IGF2BP1: variants seen among roughly 807,000 people sequenced by gnomAD.
IGF2BP1 encodes the protein insulin-like growth factor 2 mRNA-binding protein 1.
IGF2BP1 carries 11 observed loss-of-function variants against 74.9 expected under a neutral mutation model. The observed-to-expected ratio is 0.15, with a 90% CI of 0.09 to 0.24. IGF2BP1 has a LOEUF of 0.24. Among genes scored for constraint, IGF2BP1 ranks in the 10% least tolerant of loss-of-function variants. The pLI, the probability that IGF2BP1 is intolerant of heterozygous loss-of-function variation, is 1.00. For missense variants in IGF2BP1, 440 were observed against 757.4 expected (o/e 0.58, Z 4.92); for synonymous variants, 287 against 281.8 (o/e 1.02, Z -0.18).
At position 49,055,831 on chromosome 17, in the gene IGF2BP1, G is replaced by C. The variant is rs1021647591; in HGVS notation, c.*6387G>C. Among the ~76,000 whole-genome samples the C allele has an allele frequency of 5.1e-5, 7 of 138,362 alleles. No homozygotes were observed. The South Asian group carries it at 1.4e-3, about 27-fold the overall frequency. 90.8% of individuals were successfully genotyped at this position (138,362 alleles called of 152,430 possible). A position where few individuals can be genotyped will look rare whatever the true frequency, so the allele number is the denominator to read the frequency against. On this transcript the variant is annotated 3_prime_UTR_variant, in exon 15 of 15. Coordinates refer to ENST00000290341, the MANE Select transcript of IGF2BP1 (RefSeq NM_006546.4). ...GGAAGAGCTGGAGGCCTACTGCTTG[G>C]GACAGTTTTTTTTTTTTTTTTTTTT...
At chr17:49,025,313 AGTGTGTGTGTGT>A (rs369153046) in intron 2 of IGF2BP1, among the ~76,000 whole-genome samples, 79 of 133,644 alleles carry the variant, frequency 5.9e-4, no homozygotes, top group Middle Eastern at 3.9e-3. Context: ...GGACAAACAA[AGTGTGTGTGTGT>A]GTGTGTGTGT....
In IGF2BP1 at chr17:49,003,311, C is replaced by T. The variant is rs35025211; in HGVS notation, c.236+4142C>T. 3.2e-3 allele frequency among the ~76,000 whole-genome samples: 490 copies of T among 152,198 alleles called. 1 individual carries two copies. Among genetic ancestry groups the T allele is most frequent in the African/African-American group, 0.011 (460 of 41,520 alleles). On this transcript the variant is annotated intron_variant, in intron 2 of 14. Coordinates refer to ENST00000290341, the MANE Select transcript of IGF2BP1 (RefSeq NM_006546.4). ...CTTACTTTTTAAGAGTGTATTTATACTATACTTTAATGTGTAGCAGCCAGT... is the reference window on the plus strand; with the variant it reads ...CTTACTTTTTAAGAGTGTATTTATATTATACTTTAATGTGTAGCAGCCAGT...
intron 8 of IGF2BP1, among the ~76,000 whole-genome samples, chr17:49,041,781 C>T (rs1206746240): frequency 6.6e-6 from 1 of 152,214 alleles, no homozygotes; most frequent in Non-Finnish European, 1.5e-5. Flanking sequence ...TCGTGGACAG[C>T]CTGCAGCTAG....
At chr17:49,008,321 A>C (rs757451347) in intron 2 of IGF2BP1, among the ~76,000 whole-genome samples, 2 of 152,238 alleles carry the variant, frequency 1.3e-5, no homozygotes, top group Non-Finnish European at 2.9e-5. Flanking sequence ...TCAGAAGAAT[A>C]ATCTTGTTAA....
At chr17:49,041,629 A>G in intron 8 of IGF2BP1, 129 bp downstream of exon 8, 1 of 1,255,330 alleles carries the variant, frequency 8.0e-7, no homozygotes, top group Non-Finnish European at 1.1e-6. Context: ...GAAGAAAAAC[A>G]GTCGAAGTGG....
At chr17:49,008,173 A>AAAG (rs1405205581) in intron 2 of IGF2BP1, among the ~76,000 whole-genome samples, 8 of 119,558 alleles carry the variant, frequency 6.7e-5, no homozygotes, top group African/African-American at 2.9e-4. Flanking sequence ...ATTCCATCTC[A>AAAG]AAAAAAAAAA....
At chr17:49,011,137 CAAAAAAAAAAAAAAA>C (rs61620827) in intron 2 of IGF2BP1, among the ~76,000 whole-genome samples, 17 of 57,298 alleles carry the variant, frequency 3.0e-4, no homozygotes, top group Non-Finnish European at 5.2e-4. Flanking sequence ...GACTCTGTCT[CAAAAAAAAAAAAAAA>C]AAAAAAAAAA....
At chr17:49,034,763 A>AAC (rs1255059194) in intron 5 of IGF2BP1, among the ~76,000 whole-genome samples, 1 of 139,646 alleles carries the variant, frequency 7.2e-6, no homozygotes, top group East Asian at 1.9e-4. Flanking sequence ...AAACAAAAAA[A>AAC]ACAAAAAAAA....
At chr17:49,040,239 C>CTT (rs1317939838) in intron 7 of IGF2BP1, 148 bp downstream of exon 7, 1 of 943,240 alleles carries the variant, frequency 1.1e-6, no homozygotes, top group Non-Finnish European at 1.6e-6. Context: ...AATCTTTCTT[C>CTT]TTACAGGACT....
chr17:49,002,057 A>AT (rs1289626704), intron 2 of IGF2BP1, among the ~76,000 whole-genome samples: 3 of 151,908 alleles, frequency 2.0e-5, no homozygotes, highest in Non-Finnish European at 2.9e-5. Flanking sequence ...GCACTGACTC[A>AT]TTTTTTTTAA....
At chr17:49,045,263 T>A (rs373011595) in intron 12 of IGF2BP1, among the ~76,000 whole-genome samples, 198 bp downstream of exon 12, 1 of 152,184 alleles carries the variant, frequency 6.6e-6, no homozygotes, top group African/African-American at 2.4e-5. Flanking sequence ...GACTTCGTCT[T>A]CCCTTTTTAA....
intron 4 of IGF2BP1, among the ~76,000 whole-genome samples, chr17:49,028,870 C>T (rs1364912491): frequency 4.6e-5 from 7 of 152,088 alleles, no homozygotes; most frequent in East Asian, 1.9e-4. Flanking sequence ...TGCAGTGGTG[C>T]GATCTTGGCT....
intron 1 of IGF2BP1, among the ~76,000 whole-genome samples, chr17:48,998,568 GGC>G (rs1253815756): frequency 6.6e-6 from 1 of 152,186 alleles, no homozygotes; most frequent in Non-Finnish European, 1.5e-5. Context: ...TGGGCCGAGA[GGC>G]GCGCGCGGTG....
chr17:48,998,781 C>T (rs546200088), intron 1 of IGF2BP1, among the ~76,000 whole-genome samples: 1 of 152,244 alleles, frequency 6.6e-6, no homozygotes, highest in Admixed American at 6.5e-5. Context: ...TTTCCTGGCT[C>T]CTTCCCACAT....
chr17:49,033,660 A>G (rs1000659765), intron 5 of IGF2BP1, among the ~76,000 whole-genome samples: 36 of 151,852 alleles, frequency 2.4e-4, no homozygotes, highest in African/African-American at 6.3e-4. Flanking sequence ...TAACATTTCT[A>G]ACCAGTGTCA....
At position 49,043,493 on chromosome 17, in the gene IGF2BP1, C is replaced by G; in HGVS notation, c.1143C>G (p.Ser381Arg). 1 of 1,614,118 alleles carries G rather than the reference C, an allele frequency of 6.2e-7. No individual in the cohort carries two copies. Among genetic ancestry groups the G allele is most frequent in the Non-Finnish European group, 8.5e-7 (1 of 1,180,000 alleles). Residue 381 changes from serine to arginine, a missense_variant, in exon 10 of 15, where the codon AGC becomes AGG. Ser to Arg is a moderately radical substitution (Grantham distance 110). Around this residue, in one of 5 missense-constraint regions of IGF2BP1, gnomAD observed 31 missense variants for 27.0 expected, o/e 1.15. Coordinates refer to ENST00000290341, the MANE Select transcript of IGF2BP1 (RefSeq NM_006546.4). ...TAGGTCTTTTCCCAGCTTCATCCAG[C>G]GCAGTCCCGCCGCCTCCCAGCAGCG... ...AAVGLFPASS[S>R]AVPPPPSSVT...
chr17:49,016,482 A>G (rs998698308), intron 2 of IGF2BP1, among the ~76,000 whole-genome samples: 1 of 152,198 alleles, frequency 6.6e-6, no homozygotes, highest in African/African-American at 2.4e-5. Context: ...AAATATGGGT[A>G]GAAGAGCCCT....
chr17:49,003,558 C>T (rs2041509671), intron 2 of IGF2BP1, among the ~76,000 whole-genome samples: 2 of 152,030 alleles, frequency 1.3e-5, no homozygotes, highest in Admixed American at 1.3e-4. Context: ...GAACCAAAGG[C>T]ATTTGAAGAA....
chr17:49,039,044 A>AAT, intron 6 of IGF2BP1, among the ~76,000 whole-genome samples: 1 of 151,500 alleles, frequency 6.6e-6, no homozygotes, highest in South Asian at 2.1e-4. Flanking sequence ...TGCCCAGCTA[A>AAT]TTTTTGTATT....
Sources: gnomAD v4.1 joint callset for allele counts (sites outside exome capture counted in the v4.1 genomes callset) on GRCh38, gnomAD v4.1.1 for gene constraint, gnomAD v4.1.1 regional missense constraint, MANE v1.5 for transcripts, NCBI Gene and HGNC (gene_info 2026-07-23, HGNC 2026-07-21) for gene names.